RIPK4: variants seen among roughly 807,000 people sequenced by gnomAD.
RIPK4 encodes the protein receptor-interacting serine/threonine-protein kinase 4.
RIPK4 carries 17 observed loss-of-function variants against 42.9 expected under a neutral mutation model. The observed-to-expected ratio is 0.40, with a 90% CI of 0.27 to 0.59. RIPK4 has a LOEUF of 0.59. RIPK4 is among the 20% of genes least tolerant of loss of function. RIPK4 has a pLI of 0.47. For missense variants in RIPK4, 897 were observed against 1,104.4 expected (o/e 0.81, Z 2.66); for synonymous variants, 498 against 499.1 (o/e 1.00, Z 0.03).
chr21:41,756,463 C>T, intron 2 of RIPK4, 62 bp downstream of exon 2: 1 of 1,563,590 alleles, frequency 6.4e-7, no homozygotes, highest in Non-Finnish European at 8.7e-7. Context: ...CCCTTGATAC[C>T]CTGCTCCCCA....
rs1569099598 is a variant in RIPK4, at chr21:41,742,737, G to A, written c.1196-740C>T. 6.6e-6 allele frequency among the ~76,000 whole-genome samples: 1 copy of A among 152,162 alleles called. No individual in the cohort carries two copies. The highest frequency in any genetic ancestry group is 1.5e-5 in the Non-Finnish European group (1 of 68,036). ...AACGGAACCCTCCCAGTCAGGCTTG[G>A]TGTCTGAACACTGGCACTCCAAGTG... is the stretch of plus-strand genomic sequence containing the variant. On this transcript the variant is annotated intron_variant, in intron 7 of 7. Coordinates refer to ENST00000332512, the MANE Select transcript of RIPK4 (RefSeq NM_020639.3). This position sits in a 1 kb window ranked among gnomAD's most constrained non-coding sequence, Gnocchi z 5.1.
chr21:41,741,859 G>A lies in RIPK4; in HGVS notation c.1334C>T (p.Ala445Val), dbSNP rs937419366. 6.2e-6 allele frequency: 10 copies of A among 1,613,076 alleles called. No homozygotes were observed. The highest frequency in any genetic ancestry group is 1.7e-5 in the Admixed American group (1 of 60,026). ...GCACTCCTCTTGCCCGGCCTCCACC[G>A]CCAGGTGCAGCAGGCTGGCACCGCT... ...LDSGASLLHL[A>V]VEAGQEECAK... Residue 445 changes from alanine to valine, a missense_variant, in exon 8 of 8, where the codon GCG becomes GTG. Physicochemically the swap from Ala to Val is moderately conservative, Grantham distance 64 (BLOSUM62 0). Transcript: ENST00000332512.
intron 1 of RIPK4, among the ~76,000 whole-genome samples, chr21:41,757,278 T>G (rs1473800225): frequency 6.6e-6 from 1 of 151,826 alleles, no homozygotes; most frequent in East Asian, 1.9e-4. Flanking sequence ...CCCAGCACTT[T>G]GACAGGCCAA....
At chr21:41,748,668 T>A (rs2061179200) in intron 4 of RIPK4, among the ~76,000 whole-genome samples, 1 of 152,222 alleles carries the variant, frequency 6.6e-6, no homozygotes, top group Non-Finnish European at 1.5e-5. Context: ...TTATGACTAT[T>A]TTTTTAAAAA....
intron 3 of RIPK4, among the ~76,000 whole-genome samples, chr21:41,749,889 TAA>T (rs776305508): frequency 7.9e-4 from 78 of 99,360 alleles, no homozygotes; most frequent in South Asian, 5.8e-3. Context: ...CCAAATTGAT[TAA>T]AAAAAAAAAA....
Position 41,740,863 on chromosome 21 carries a change from G to A in RIPK4, c.2330C>T (p.Thr777Met), listed in dbSNP as rs147930789. 6.3e-4 allele frequency: 1,018 copies of A among 1,609,736 alleles called. 9 individuals carry two copies. The highest frequency in any genetic ancestry group is 5.4e-3 in the South Asian group (489 of 90,842). ...CTAGGTCTTGCTTCGCCGCAGGAGC[G>A]TGGCGGCGGGGCCATGGCCGCCCTG... ...KFQGGHGPAA[T>M]LLRRSKT The change falls in exon 8 of 8, where the codon ACG (threonine) becomes ATG (methionine). Residue 777 changes from threonine (T) to methionine (M), a missense_variant. Thr to Met is a moderately conservative substitution (Grantham distance 81, BLOSUM62 -1). Coordinates refer to ENST00000332512, the MANE Select transcript of RIPK4 (RefSeq NM_020639.3).
intron 2 of RIPK4, among the ~76,000 whole-genome samples, chr21:41,753,412 A>G (rs2061194228): frequency 6.6e-6 from 1 of 152,208 alleles, no homozygotes; most frequent in African/African-American, 2.4e-5. Flanking sequence ...AAAGAAAACG[A>G]GCAGAAATTC....
At chr21:41,747,196 A>ACT (rs1374087080) in intron 4 of RIPK4, among the ~76,000 whole-genome samples, 2 of 151,872 alleles carry the variant, frequency 1.3e-5, no homozygotes, top group Admixed American at 6.6e-5. Flanking sequence ...CAGAGACCCA[A>ACT]CTCTCTCTAC....
chr21:41,742,046 G>A lies in RIPK4; in HGVS notation c.1196-49C>T. ...GTCAGAGCGTGGCTGCACATCCAGG[G>A]ACGTGGCGTCTCTGGGAGCCTGGCT... On this transcript the variant is annotated intron_variant, in intron 7 of 7. Coordinates refer to ENST00000332512, the MANE Select transcript of RIPK4 (RefSeq NM_020639.3). This position sits in a 1 kb window ranked among gnomAD's most constrained non-coding sequence, Gnocchi z 5.1. 1.3e-6 allele frequency: 2 copies of A among 1,492,172 alleles called. No individual in the cohort carries two copies. The allele number at this position is 1,492,172 out of a possible 1,614,324, so 92.4% of individuals were successfully genotyped here.
chr21:41,766,671 C>T (rs976044585), intron 1 of RIPK4, among the ~76,000 whole-genome samples, 189 bp downstream of exon 1: 4 of 152,172 alleles, frequency 2.6e-5, no homozygotes, highest in Non-Finnish European at 1.5e-5. Flanking sequence ...AGCCCCCGCG[C>T]CCCTCCGGCC....
intron 4 of RIPK4, 88 bp from the exon 5 acceptor site, chr21:41,746,859 G>T: frequency 6.9e-7 from 1 of 1,440,162 alleles, no homozygotes; most frequent in Non-Finnish European, 9.3e-7. Context: ...CTCGCCGGGG[G>T]CCACAATGGG....
intron 1 of RIPK4, among the ~76,000 whole-genome samples, chr21:41,765,210 C>A (rs932904449): frequency 1.3e-5 from 2 of 152,194 alleles, no homozygotes; most frequent in African/African-American, 4.8e-5. Context: ...TCACACACAT[C>A]CCCAAGAGAT....
intron 2 of RIPK4, among the ~76,000 whole-genome samples, chr21:41,752,908 T>C (rs937175430): frequency 6.6e-6 from 1 of 152,182 alleles, no homozygotes; most frequent in African/African-American, 2.4e-5. Flanking sequence ...ACCTAGATGG[T>C]GGATGGGTGC....
At chr21:41,749,315 G>T in intron 3 of RIPK4, 112 bp from the exon 4 acceptor site, 1 of 987,142 alleles carries the variant, frequency 1.0e-6, no homozygotes, top group Non-Finnish European at 1.6e-6. Flanking sequence ...TCCAAAGACA[G>T]AGCCATGACA....
chr21:41,746,804 G>A (rs2061173216), intron 4 of RIPK4, 33 bp from the exon 5 acceptor site: 3 of 1,546,850 alleles, frequency 1.9e-6, no homozygotes, highest in Non-Finnish European at 2.6e-6. Flanking sequence ...CAGGGGCTCT[G>A]CAGGGCTGGG....
At chr21:41,758,551 A>G (rs1455900892) in intron 1 of RIPK4, among the ~76,000 whole-genome samples, 2 of 152,164 alleles carry the variant, frequency 1.3e-5, no homozygotes, top group African/African-American at 4.8e-5. Context: ...GTGGCTTTCA[A>G]TTCTTTTCGA....
At chr21:41,766,693 A>C (rs1162166374) in intron 1 of RIPK4, among the ~76,000 whole-genome samples, 167 bp downstream of exon 1, 1 of 151,928 alleles carries the variant, frequency 6.6e-6, no homozygotes, top group Non-Finnish European at 1.5e-5. Context: ...GGACAGGCCG[A>C]GTGGACATTG....
intron 3 of RIPK4, among the ~76,000 whole-genome samples, chr21:41,749,561 G>A (rs1478852551): frequency 1.3e-5 from 2 of 152,182 alleles, no homozygotes; most frequent in African/African-American, 2.4e-5. Context: ...GAGCACCTGC[G>A]CAGGCATTTA....
At chr21:41,766,415 G>A (rs966295485) in intron 1 of RIPK4, among the ~76,000 whole-genome samples, 4 of 152,242 alleles carry the variant, frequency 2.6e-5, no homozygotes, top group South Asian at 4.1e-4. Flanking sequence ...ATTTTTCTAA[G>A]CCCTGCGCAG....
Sources: gnomAD v4.1 joint callset for allele counts (sites outside exome capture counted in the v4.1 genomes callset) on GRCh38, gnomAD v4.1.1 for gene constraint, Gnocchi (gnomAD v3.1) non-coding constraint, MANE v1.5 for transcripts, NCBI Gene and HGNC (gene_info 2026-07-23, HGNC 2026-07-21) for gene names.